DDX19A: variants seen among roughly 807,000 people sequenced by gnomAD.
The protein encoded by DDX19A is ATP-dependent RNA helicase DDX19A.
A neutral mutation model predicts 60.6 loss-of-function variants in DDX19A; 12 were observed. The ratio of observed to expected loss-of-function variants is 0.20; its 90% CI spans 0.13 to 0.32. DDX19A has a LOEUF of 0.32. Ranked by LOEUF, DDX19A falls within the 10% of genes least tolerant of loss-of-function variation. The pLI, the probability that DDX19A is intolerant of heterozygous loss-of-function variation, is 1.00. For missense variants in DDX19A, 337 were observed against 600.6 expected, an observed-to-expected ratio of 0.56 and a Z score of 4.59; for synonymous variants, 206 against 218.2, an observed-to-expected ratio of 0.94 and a Z score of 0.49.
chr16:70,366,334 C>A lies in DDX19A; in HGVS notation c.782+72C>A, dbSNP rs549148089. 32 of 1,595,816 alleles carry A rather than the reference C, an allele frequency of 2.0e-5. No homozygotes were observed. In the South Asian group the frequency reaches 3.3e-4, roughly 17 times the overall value. On this transcript the variant is annotated intron_variant, in intron 8 of 11. Coordinates refer to ENST00000302243, the MANE Select transcript of DDX19A (RefSeq NM_018332.5). The stretch of plus-strand genomic sequence containing the variant: ...TGTCTTCTCCCTTCACTTCAGACGC[C>A]TCCTCTGGCTTCTGCCTGGGTCTTG...
chr16:70,364,445 C>A, intron 5 of DDX19A, 98 bp from the exon 6 acceptor site: 3 of 903,192 alleles, frequency 3.3e-6, no homozygotes, highest in East Asian at 2.5e-5. Context: ...TATAGAGAAG[C>A]ACGAAGGGGG....
At chr16:70,366,955 A>G in intron 9 of DDX19A, 94 bp downstream of exon 9, 1 of 1,406,016 alleles carries the variant, frequency 7.1e-7, no homozygotes, top group Non-Finnish European at 9.9e-7. Flanking sequence ...GCGCCATGGA[A>G]AGAAGGGAAG....
At chr16:70,347,724 C>G (rs1963879122) in intron 1 of DDX19A, among the ~76,000 whole-genome samples, 1 of 152,038 alleles carries the variant, frequency 6.6e-6, no homozygotes, top group Non-Finnish European at 1.5e-5. Flanking sequence ...GAGTTTTGCT[C>G]TTGTTGCCCA....
chr16:70,350,878 T>C (rs1362206502), intron 2 of DDX19A, among the ~76,000 whole-genome samples: 1 of 151,094 alleles, frequency 6.6e-6, no homozygotes, highest in Non-Finnish European at 1.5e-5. Flanking sequence ...TTTATTTATT[T>C]ATTTATTTAT....
At chr16:70,371,191 CTTCTT>C in intron 10 of DDX19A, 176 bp from the exon 11 acceptor site, 1 of 1,082,768 alleles carries the variant, frequency 9.2e-7, no homozygotes, top group Non-Finnish European at 1.3e-6. Flanking sequence ...CCAAAGTTCT[CTTCTT>C]TTCCTCTGGG....
intron 8 of DDX19A, 86 bp from the exon 9 acceptor site, chr16:70,366,538 C>A: frequency 6.4e-7 from 1 of 1,560,458 alleles, no homozygotes; most frequent in Non-Finnish European, 8.8e-7. Context: ...CCTTCCTGGG[C>A]ATCTAGACCC....
chr16:70,350,752 A>G, intron 2 of DDX19A, 147 bp downstream of exon 2: 1 of 564,526 alleles, frequency 1.8e-6, no homozygotes, highest in Non-Finnish European at 3.1e-6. Context: ...CTGAAGGGAT[A>G]TGTCGATTTT....
Position 70,370,262 on chromosome 16 carries a change from AAAG to A in DDX19A, c.1064_1066del (p.Glu355del). The A allele has an allele frequency of 6.2e-7, 1 of 1,614,064 alleles. No homozygotes were observed. The highest frequency in any genetic ancestry group is 8.5e-7 in the Non-Finnish European group (1 of 1,179,992). ...TAGTTGGCTGGCAGCAGAGCTCTCA[AAAG>A]AAGGCCACCAGGTGGCTCTGCTGAG... is the stretch of plus-strand genomic sequence containing the variant. On this transcript the variant is annotated inframe_deletion, in exon 10 of 12. Coordinates refer to ENST00000302243, the MANE Select transcript of DDX19A (RefSeq NM_018332.5).
intron 5 of DDX19A, chr16:70,363,612 G>T (rs758001990): frequency 2.6e-5 from 4 of 152,122 alleles, no homozygotes; most frequent in Admixed American, 1.3e-4. Context: ...TGGGATTACA[G>T]GCGTGAGCCA....
At chr16:70,354,803 G>A (rs1233084880) in intron 2 of DDX19A, among the ~76,000 whole-genome samples, 1 of 152,050 alleles carries the variant, frequency 6.6e-6, no homozygotes, top group Non-Finnish European at 1.5e-5. Flanking sequence ...TTTTAAATTA[G>A]CTGGGAATAG....
At chr16:70,349,573 C>G (rs1297796491) in intron 1 of DDX19A, among the ~76,000 whole-genome samples, 1 of 152,110 alleles carries the variant, frequency 6.6e-6, no homozygotes. Flanking sequence ...TGCCCGGTAG[C>G]CATCAGACAT....
At chr16:70,351,101 C>G (rs1485221595) in intron 2 of DDX19A, among the ~76,000 whole-genome samples, 2 of 150,966 alleles carry the variant, frequency 1.3e-5, no homozygotes, top group Non-Finnish European at 2.9e-5. Flanking sequence ...CCAGGATGGT[C>G]TTGATCTCCT....
chr16:70,356,058 T>C, intron 3 of DDX19A, 54 bp from the exon 4 acceptor site: 1 of 1,607,766 alleles, frequency 6.2e-7, no homozygotes, highest in Non-Finnish European at 8.5e-7. Flanking sequence ...AGTGGCTTCA[T>C]AAGCCTGGGG....
At chr16:70,357,341 A>G (rs1416166765) in intron 4 of DDX19A, among the ~76,000 whole-genome samples, 7 of 138,366 alleles carry the variant, frequency 5.1e-5, no homozygotes, top group Non-Finnish European at 1.1e-4. Flanking sequence ...CTTTTTAAAA[A>G]ATCTGTCAAA....
Position 70,372,109 on chromosome 16 carries a change from C to T in DDX19A, c.*123C>T. On this transcript the variant is annotated 3_prime_UTR_variant, in exon 12 of 12. Coordinates refer to ENST00000302243, the MANE Select transcript of DDX19A (RefSeq NM_018332.5). ...GGCAGAAGTAGAGAGAAACTACCTA[C>T]CTCACTTCAAATTATGTTTGGACTT... is the stretch of plus-strand genomic sequence containing the variant. 3 of 1,448,356 alleles carry T rather than the reference C, an allele frequency of 2.1e-6. No homozygotes were observed. Among genetic ancestry groups the T allele is most frequent in the Non-Finnish European group, 2.9e-6 (3 of 1,043,196 alleles). The allele number at this position is 1,448,356 out of a possible 1,614,324, so 89.7% of individuals were successfully genotyped here.
chr16:70,361,617 T>C, intron 5 of DDX19A, 107 bp downstream of exon 5: 1 of 783,912 alleles, frequency 1.3e-6, no homozygotes, highest in Non-Finnish European at 2.1e-6. Flanking sequence ...GCCACGTGTT[T>C]CCTCAGGAAT....
At chr16:70,357,113 G>T (rs1017504682) in intron 4 of DDX19A, among the ~76,000 whole-genome samples, 2 of 151,092 alleles carry the variant, frequency 1.3e-5, no homozygotes, top group African/African-American at 4.9e-5. Context: ...ACTTAGCCAG[G>T]TGTGATATCA....
At chr16:70,371,593 C>G in intron 11 of DDX19A, 30 bp downstream of exon 11, 1 of 1,205,986 alleles carries the variant, frequency 8.3e-7, no homozygotes, top group African/African-American at 1.5e-5. Context: ...CTGTGCCTGG[C>G]GCCCTTTGCT....
At chr16:70,371,008 A>G in intron 10 of DDX19A, 1 of 336,532 alleles carries the variant, frequency 3.0e-6, no homozygotes, top group South Asian at 3.5e-5. Flanking sequence ...AAATAAAAAA[A>G]GAAAGAAAGA....
Sources: gnomAD v4.1 joint callset for allele counts (sites outside exome capture counted in the v4.1 genomes callset) on GRCh38, gnomAD v4.1.1 for gene constraint, MANE v1.5 for transcripts, NCBI Gene and HGNC (gene_info 2026-07-23, HGNC 2026-07-21) for gene names.